RARB: variants seen among roughly 807,000 people sequenced by gnomAD.
RARB encodes the protein retinoic acid receptor beta.
In RARB, 17 loss-of-function variants were observed where a neutral mutation model predicts 51.9. The ratio of observed to expected loss-of-function variants is 0.33; its 90% confidence interval spans 0.22 to 0.49. The LOEUF (loss-of-function observed/expected upper bound fraction) is 0.49, where lower values mean the gene tolerates loss of function less well. Ranked by LOEUF, RARB falls within the 20% of genes least tolerant of loss-of-function variation. RARB has a pLI of 0.99. For synonymous variants in RARB, 215 were observed against 195.4 expected, an observed-to-expected ratio of 1.10 and a Z score of -0.84; for missense variants, 369 against 550.8, an observed-to-expected ratio of 0.67 and a Z score of 3.30.
At position 25,593,717 on chromosome 3, in the gene RARB, A is replaced by T; in HGVS notation, c.991+10A>T. 1 of 1,609,716 alleles carries T rather than the reference A, an allele frequency of 6.2e-7. No homozygotes were observed. Among genetic ancestry groups the T allele is most frequent in the Non-Finnish European group, 8.5e-7 (1 of 1,176,256 alleles). ...TGCTTAATCTGTGGAGGTACCAACT[A>T]TGTAGAAAAGCCTCATGAAATTCCA... On this transcript the variant is annotated intron_variant, in intron 6 of 7. Transcript: ENST00000330688.
chr3:25,048,573 A>G (rs1232001771), intron 2 of RARB, among the ~76,000 whole-genome samples: 2 of 152,154 alleles, frequency 1.3e-5, no homozygotes. Flanking sequence ...TTTCTGGGAC[A>G]TTCTGTGTAT....
At chr3:25,137,052 C>A (rs150730438) in intron 4 of RARB, among the ~76,000 whole-genome samples, 120 of 152,112 alleles carry the variant, frequency 7.9e-4, no homozygotes, top group African/African-American at 2.8e-3. Context: ...TGTGTAATCA[C>A]TGAGGTACTC....
At chr3:25,064,684 T>G (rs1698625349) in intron 3 of RARB, among the ~76,000 whole-genome samples, 1 of 152,124 alleles carries the variant, frequency 6.6e-6, no homozygotes, top group South Asian at 2.1e-4. Flanking sequence ...CCAAATTATA[T>G]TTTTAGGAAA....
chr3:24,895,396 T>A (rs917341216), intron 2 of RARB, among the ~76,000 whole-genome samples: 1 of 152,196 alleles, frequency 6.6e-6, no homozygotes, highest in Non-Finnish European at 1.5e-5. Flanking sequence ...AAACACAGAC[T>A]ACTTGGTCCT....
chr3:25,064,399 A>G (rs1698615786), intron 3 of RARB, among the ~76,000 whole-genome samples: 1 of 152,148 alleles, frequency 6.6e-6, no homozygotes, highest in Non-Finnish European at 1.5e-5. Flanking sequence ...ATTCTTGCCA[A>G]TGTCCATGAC....
intron 2 of RARB, among the ~76,000 whole-genome samples, chr3:25,041,345 G>C (rs746731264): frequency 4.6e-5 from 7 of 151,884 alleles, no homozygotes; most frequent in Admixed American, 4.6e-4. Flanking sequence ...CAAGGTTGCC[G>C]TTTAATATTT....
At chr3:25,030,422 T>C (rs1488083856) in intron 2 of RARB, among the ~76,000 whole-genome samples, 1 of 152,242 alleles carries the variant, frequency 6.6e-6, no homozygotes, top group Non-Finnish European at 1.5e-5. Context: ...TAATTCCATA[T>C]TCTTTCATAG....
chr3:25,432,509 A>G (rs1393401166), intron 1 of RARB, among the ~76,000 whole-genome samples: 1 of 152,192 alleles, frequency 6.6e-6, no homozygotes, highest in Non-Finnish European at 1.5e-5. Flanking sequence ...CTGATAGGCT[A>G]GCTGACCTGA....
At chr3:25,154,644 G>A (rs182871951) in intron 4 of RARB, among the ~76,000 whole-genome samples, 247 of 152,304 alleles carry the variant, frequency 1.6e-3, no homozygotes, top group Non-Finnish European at 2.8e-3. Context: ...GAAAAGTCCA[G>A]TTGCCCAAAC....
chr3:25,137,203 G>T (rs765057613), intron 4 of RARB, among the ~76,000 whole-genome samples: 2 of 151,990 alleles, frequency 1.3e-5, no homozygotes, highest in Non-Finnish European at 2.9e-5. Context: ...TAAAAGGACA[G>T]CCTTATACAT....
intron 5 of RARB, among the ~76,000 whole-genome samples, chr3:25,243,972 C>T (rs937522467): frequency 6.6e-6 from 1 of 152,074 alleles, no homozygotes; most frequent in African/African-American, 2.4e-5. Context: ...CTATTAATTA[C>T]TGCCTCAATT....
At chr3:25,001,492 G>A (rs535788520) in intron 2 of RARB, among the ~76,000 whole-genome samples, 7 of 152,130 alleles carry the variant, frequency 4.6e-5, no homozygotes, top group Admixed American at 3.9e-4. Context: ...GAAAAAATGC[G>A]GGACTGGTGG....
chr3:25,179,899 T>C (rs746449270), intron 5 of RARB, among the ~76,000 whole-genome samples: 2 of 152,200 alleles, frequency 1.3e-5, no homozygotes, highest in South Asian at 2.1e-4. Context: ...TTAAAAGTAA[T>C]GGCAAGAACC....
intron 2 of RARB, among the ~76,000 whole-genome samples, chr3:24,892,891 T>TG (rs1703412973): frequency 6.6e-6 from 1 of 152,228 alleles, no homozygotes; most frequent in Admixed American, 6.5e-5. Flanking sequence ...TGCCTGCCAT[T>TG]GGGCTATCAC....
chr3:25,057,216 T>G (rs1161714704), intron 2 of RARB, among the ~76,000 whole-genome samples: 1 of 152,090 alleles, frequency 6.6e-6, no homozygotes, highest in Non-Finnish European at 1.5e-5. Context: ...CAGCCCGTGT[T>G]GGCAGTCATA....
intron 5 of RARB, among the ~76,000 whole-genome samples, chr3:25,394,537 AT>A (rs1276276657): frequency 6.6e-6 from 1 of 151,940 alleles, no homozygotes; most frequent in Non-Finnish European, 1.5e-5. Context: ...CATCTATCTC[AT>A]TTCTTGGGTC....
At chr3:24,883,670 T>C (rs911387291) in intron 2 of RARB, among the ~76,000 whole-genome samples, 2 of 152,138 alleles carry the variant, frequency 1.3e-5, no homozygotes, top group South Asian at 4.1e-4. Context: ...CTTTCATTCC[T>C]GTTAAATCAA....
At chr3:25,403,369 A>C (rs1707317666) in intron 5 of RARB, among the ~76,000 whole-genome samples, 1 of 152,198 alleles carries the variant, frequency 6.6e-6, no homozygotes, top group African/African-American at 2.4e-5. Flanking sequence ...CATCTCATGT[A>C]CCCATAAATA....
At chr3:25,258,975 C>T (rs1172516289) in intron 5 of RARB, 2 of 946,592 alleles carry the variant, frequency 2.1e-6, no homozygotes, top group East Asian at 1.2e-4. Context: ...CAAACCTCAG[C>T]CTGAGTTTTG....
Sources: gnomAD v4.1 joint callset for allele counts (sites outside exome capture counted in the v4.1 genomes callset) on GRCh38, gnomAD v4.1.1 for gene constraint, MANE v1.5 for transcripts, NCBI Gene and HGNC (gene_info 2026-07-23, HGNC 2026-07-21) for gene names.